The following NUDT6 variants were observed in gnomAD, a reference collection of about 807,000 sequenced individuals.
NUDT6 encodes the protein FAD diphosphatase NUDT6.
In NUDT6, 24 loss-of-function variants were observed where a neutral mutation model predicts 36.8. The ratio of observed to expected loss-of-function variants is 0.65; its 90% confidence interval spans 0.47 to 0.92. The LOEUF is 0.92. Among genes scored for constraint, NUDT6 ranks in the 40% least tolerant of loss-of-function variants. NUDT6 has a pLI of 0.00. For synonymous variants in NUDT6, 163 were observed against 157.0 expected, an observed-to-expected ratio of 1.04 and a Z score of -0.29; for missense variants, 388 against 392.8, an observed-to-expected ratio of 0.99 and a Z score of 0.10.
intron 3 of NUDT6, among the ~76,000 whole-genome samples, chr4:122,902,533 T>G (rs556072379): frequency 6.6e-6 from 1 of 152,326 alleles, no homozygotes; most frequent in South Asian, 2.1e-4. Context: ...TATATAATAT[T>G]CATTCGTTTT....
chr4:122,895,145 A>G (rs1191127996), intron 4 of NUDT6: 3 of 152,218 alleles, frequency 2.0e-5, no homozygotes, highest in Non-Finnish European at 2.9e-5. Flanking sequence ...TTCCACCTCA[A>G]GATGGATATT....
chr4:122,894,938 G>A (rs774740454), intron 4 of NUDT6: 5 of 152,156 alleles, frequency 3.3e-5, no homozygotes, highest in Non-Finnish European at 7.3e-5. Context: ...TGTAGCTCAT[G>A]ATCTATGCTG....
chr4:122,918,208 A>G (rs1727887770), intron 1 of NUDT6: 1 of 153,368 alleles, frequency 6.5e-6, no homozygotes, highest in Non-Finnish European at 1.5e-5. Flanking sequence ...TTTGAAAATA[A>G]AAAATATGAA....
intron 3 of NUDT6, among the ~76,000 whole-genome samples, chr4:122,902,138 A>G (rs946622030): frequency 2.6e-5 from 4 of 152,216 alleles, no homozygotes; most frequent in Non-Finnish European, 5.9e-5. Context: ...ACTGTTACCA[A>G]TGAGACAGAA....
At chr4:122,907,498 T>C (rs1350800864) in intron 3 of NUDT6, among the ~76,000 whole-genome samples, 2 of 147,526 alleles carry the variant, frequency 1.4e-5, no homozygotes, top group African/African-American at 5.0e-5. Flanking sequence ...TCACCCAGGC[T>C]GGAGTGCAGT....
intron 3 of NUDT6, among the ~76,000 whole-genome samples, chr4:122,910,616 T>TTTAAATAGCA (rs1180111798): frequency 6.6e-6 from 1 of 152,194 alleles, no homozygotes; most frequent in Non-Finnish European, 1.5e-5. Context: ...TAAAAAACCT[T>TTTAAATAGCA]CATGGTTTAC....
At chr4:122,896,511 T>C (rs996467123) in intron 4 of NUDT6, 2 of 152,168 alleles carry the variant, frequency 1.3e-5, no homozygotes, top group Admixed American at 6.6e-5. Context: ...CACCAGTGGA[T>C]AGTGTGAGAG....
Position 122,922,398 on chromosome 4 carries a change from G to A in NUDT6, c.175C>T (p.Arg59Cys), listed in dbSNP as rs780435215. Residue 59 changes from arginine to cysteine, a missense_variant, in exon 1 of 5, where the codon CGC (arginine) becomes TGC (cysteine). By Grantham distance (180) the Arg-to-Cys change is radical (BLOSUM62 -3). Coordinates refer to ENST00000304430, the MANE Select transcript of NUDT6 (RefSeq NM_007083.5). ...ELDRFGGISV[R>C]LARLDALDRL... The stretch of plus-strand genomic sequence containing the variant: ...TCCAGCGCATCGAGCCGCGCCAGGC[G>A]CACCGAGATGCCCCCGAATCTGTCC... 1.9e-6 allele frequency: 3 copies of A among 1,609,300 alleles called. No individual in the cohort carries two copies. The highest frequency in any genetic ancestry group is 1.7e-6 in the Non-Finnish European group (2 of 1,179,662).
chr4:122,922,692 A>G (rs945485799), upstream of NUDT6: 10 of 862,744 alleles, frequency 1.2e-5, no homozygotes, highest in Non-Finnish European at 1.6e-5. Flanking sequence ...TGGGGTTACC[A>G]CTCTGCAGAG....
At chr4:122,909,384 A>G (rs1385816942) in intron 3 of NUDT6, among the ~76,000 whole-genome samples, 1 of 152,234 alleles carries the variant, frequency 6.6e-6, no homozygotes, top group Non-Finnish European at 1.5e-5. Flanking sequence ...TGATTATTAA[A>G]TGAGAAACAT....
chr4:122,907,470 A>C (rs1226509696), intron 3 of NUDT6, among the ~76,000 whole-genome samples: 2 of 113,992 alleles, frequency 1.8e-5, no homozygotes, highest in Admixed American at 1.0e-4. Flanking sequence ...TTTTTTTCTG[A>C]GACAGAGTTT....
chr4:122,910,788 G>A (rs1727718247), intron 3 of NUDT6, among the ~76,000 whole-genome samples: 1 of 152,046 alleles, frequency 6.6e-6, no homozygotes, highest in South Asian at 2.1e-4. Context: ...GGAAACTTAG[G>A]TCCCCAGAGT....
rs1292602260 is a variant in NUDT6, at chr4:122,917,408, C to T, written c.442+93G>A. The stretch of plus-strand genomic sequence containing the variant: ...AATCATTTAATCAAATAACTCATTC[C>T]ACATGAATAAACTATTTGCTTAGCT... On this transcript the variant is annotated intron_variant, in intron 2 of 4. Coordinates refer to ENST00000304430, the MANE Select transcript of NUDT6 (RefSeq NM_007083.5). 3 of 1,061,430 alleles carry T rather than the reference C, an allele frequency of 2.8e-6. No individual in the cohort carries two copies. The East Asian group carries it at 7.1e-5, about 25-fold the overall frequency. The allele number at this position is 1,061,430 out of a possible 1,614,324, so 65.8% of individuals were successfully genotyped here. A position where few individuals can be genotyped will look rare whatever the true frequency, so the allele number is the denominator to read the frequency against.
intron 4 of NUDT6, chr4:122,893,960 G>A (rs183122876): frequency 1.3e-5 from 2 of 152,264 alleles, no homozygotes; most frequent in African/African-American, 2.4e-5. Flanking sequence ...TCCAATACTC[G>A]TTTTGCCTCT....
At position 122,897,684 on chromosome 4, in the gene NUDT6, G is replaced by C; in HGVS notation, c.499-6C>G. ...AACTTCCACATATTTTTCAACTGCA[G>C]TATAAAGTCAGAAAATAAAGTTAAC... On this transcript the variant is annotated splice_polypyrimidine_tract_variant and splice_region_variant and intron_variant, in intron 3 of 4. Transcript: ENST00000304430. The C allele has an allele frequency of 6.3e-7, 1 of 1,593,506 alleles. No homozygotes were observed. The highest frequency in any genetic ancestry group is 1.1e-5 in the South Asian group (1 of 90,680).
In NUDT6 at chr4:122,892,939, G is replaced by C. The variant is rs1175170658; in HGVS notation, c.840C>G (p.Asp280Glu). 4 of 1,614,000 alleles carry C rather than the reference G, an allele frequency of 2.5e-6. No homozygotes were observed. The highest frequency in any genetic ancestry group is 3.4e-6 in the Non-Finnish European group (4 of 1,180,032). The change falls in exon 5 of 5, where the codon GAC becomes GAG. Residue 280 changes from aspartate to glutamate, a missense_variant. Transcript: ENST00000304430. ...GTTCTTCCACAGTCAGGTCAATTTT[G>C]TCAAACCCTTCTCTGTACCCATACA... ...LLLYGYREGF[D>E]KIDLTVEELP...
chr4:122,892,739 TCA>T lies in NUDT6; in HGVS notation c.*87_*88del, dbSNP rs1727221362. 3 of 1,351,080 alleles carry T rather than the reference TCA, an allele frequency of 2.2e-6. No individual in the cohort carries two copies. Among genetic ancestry groups the T allele is most frequent in the East Asian group, 4.9e-5 (2 of 41,056 alleles). The allele number at this position is 1,351,080 out of a possible 1,614,324, so 83.7% of individuals were successfully genotyped here. A position where few individuals can be genotyped will look rare whatever the true frequency, so the allele number is the denominator to read the frequency against. ...CATGGAAATCATATACATTAGAAAATCACAGTCAGATGTTTAATCAATCCAAA... is the reference window on the plus strand; with the variant it reads ...CATGGAAATCATATACATTAGAAAATCAGTCAGATGTTTAATCAATCCAAA... On this transcript the variant is annotated 3_prime_UTR_variant, in exon 5 of 5. Coordinates refer to ENST00000304430, the MANE Select transcript of NUDT6 (RefSeq NM_007083.5).
intron 2 of NUDT6, among the ~76,000 whole-genome samples, chr4:122,914,552 C>A (rs900036192): frequency 2.0e-5 from 3 of 152,136 alleles, no homozygotes; most frequent in African/African-American, 7.2e-5. Context: ...AGGCACTGTG[C>A]TTCAACGTAC....
intron 2 of NUDT6, among the ~76,000 whole-genome samples, chr4:122,915,497 A>AAAAAAAAAAAAAC (rs2150809139): frequency 1.4e-5 from 2 of 143,450 alleles, no homozygotes; most frequent in African/African-American, 5.4e-5. Flanking sequence ...AAAAAAAAAA[A>AAAAAAAAAAAAAC]ACAACTCTGC....
Sources: allele counts gnomAD v4.1 joint callset (sites outside exome capture counted in the v4.1 genomes callset), GRCh38; gene constraint gnomAD v4.1.1; transcripts MANE v1.5; gene names NCBI Gene and HGNC (gene_info 2026-07-23, HGNC 2026-07-21).